MYO15B: variants seen among roughly 807,000 people sequenced by gnomAD.
MYO15B encodes myosin XVB pseudogene.
MYO15B carries 207 observed loss-of-function variants against 119.3 expected under a neutral mutation model. The observed-to-expected ratio is 1.73, with a 90% CI of 1.55 to 1.95. MYO15B has a LOEUF of 1.95. Ranked by LOEUF, MYO15B falls within the 30% of genes most tolerant of loss-of-function variation. The pLI, the probability that MYO15B is intolerant of heterozygous loss-of-function variation, is 0.00. For missense variants in MYO15B, 2,264 were observed against 1,203.1 expected (o/e 1.88, Z -13.04); for synonymous variants, 966 against 498.9 (o/e 1.94, Z -12.48).
In MYO15B at chr17:75,591,029, G is replaced by GC; in HGVS notation, c.2360+17dup. ...TCAGCACCACTCCGTATGTGACTCT[G>GC]CCCCACTGACCCTCTGCTCACCTCC... is the stretch of plus-strand genomic sequence containing the variant. On this transcript the variant is annotated intron_variant, in intron 3 of 63. Coordinates refer to ENST00000645453, the Ensembl canonical transcript of MYO15B. 1.6e-6 allele frequency: 1 copy of GC among 642,362 alleles called. No individual in the cohort carries two copies. The highest frequency in any genetic ancestry group is 2.7e-5 in the East Asian group (1 of 36,538). The allele number at this position is 642,362 out of a possible 1,614,324, so 39.8% of individuals were successfully genotyped here. A position where few individuals can be genotyped will look rare whatever the true frequency, so the allele number is the denominator to read the frequency against.
intron 41 of MYO15B, 198 bp from the exon 42 acceptor site, chr17:75,617,612 A>G: frequency 2.0e-6 from 1 of 500,908 alleles, no homozygotes; most frequent in South Asian, 2.2e-5. Context: ...AAGACCCACG[A>G]GCCTCACGGA....
At chr17:75,610,774 C>G (rs820138) in intron 22 of MYO15B, 126 bp from the exon 23 acceptor site, 32,188 of 666,576 alleles carry the variant, frequency 0.048, 2,721 homozygotes, top group African/African-American at 0.29. Context: ...CCCTCCTGAT[C>G]TGTTCTCACT....
At chr17:75,590,044 C>T (rs1040945708) in exon 1 of MYO15B, 8 of 398,912 alleles carry the variant, frequency 2.0e-5, no homozygotes, top group African/African-American at 4.1e-5. Context: ...CTTGGAGACC[C>T]GCCTGCAGCA....
intron 1 of MYO15B, 115 bp downstream of exon 1, chr17:75,590,358 C>CTT (rs1423254542): frequency 7.5e-6 from 3 of 398,372 alleles, no homozygotes; most frequent in African/African-American, 2.1e-5. Context: ...GAAGGATGGG[C>CTT]TTGAACCCTC....
At chr17:75,593,626 A>C (rs9904028) in intron 9 of MYO15B, among the ~76,000 whole-genome samples, 65,722 of 150,050 alleles carry the variant, frequency 0.44, 14,836 homozygotes, top group South Asian at 0.58. Context: ...AAAAAAAAAA[A>C]AAAACAAAAC....
At chr17:75,626,259 A>G in intron 63 of MYO15B, 31 bp downstream of exon 63, 2 of 701,330 alleles carry the variant, frequency 2.9e-6, no homozygotes, top group Non-Finnish European at 5.2e-6. Flanking sequence ...CCACCTTGCG[A>G]AGGTGGATGT....
chr17:75,619,045 A>T, intron 43 of MYO15B, 98 bp from the exon 44 acceptor site: 1 of 683,922 alleles, frequency 1.5e-6, no homozygotes. Context: ...GGCGCCCTCC[A>T]TCGGCCTCCT....
chr17:75,594,970 G>A, exon 12 of MYO15B: 1 of 703,032 alleles, frequency 1.4e-6, no homozygotes, highest in Non-Finnish European at 2.6e-6. Context: ...CTACGGCTTT[G>A]AGGTCACCCC....
chr17:75,624,801 A>G (rs1483393699), exon 59 of MYO15B: 1 of 702,908 alleles, frequency 1.4e-6, no homozygotes, highest in Non-Finnish European at 2.6e-6. Context: ...CAGCCCGCCG[A>G]ATACCTCAAC....
In MYO15B at chr17:75,611,901, TG is replaced by T. The variant is rs2058053546; in HGVS notation, c.4522del (p.Ala1508LeufsTer18). The T allele has an allele frequency of 1.4e-6, 1 of 702,846 alleles. No individual in the cohort carries two copies. Among genetic ancestry groups the T allele is most frequent in the Non-Finnish European group, 2.6e-6 (1 of 385,008 alleles). The allele number at this position is 702,846 out of a possible 1,614,324, so 43.5% of individuals were successfully genotyped here. A position where few individuals can be genotyped will look rare whatever the true frequency, so the allele number is the denominator to read the frequency against. ...TTGTTCCCAGGCCATCGGGACGCCC[TG>T]GCTGGGAGCATCACCGAGTGCCTGC... is the stretch of plus-strand genomic sequence containing the variant. On this transcript the variant is annotated frameshift_variant, in exon 25 of 64. Coordinates refer to ENST00000645453, the Ensembl canonical transcript of MYO15B. LOFTEE classifies it high-confidence loss of function.
At chr17:75,611,974 T>C (rs1157710854) in exon 25 of MYO15B, 6 of 702,842 alleles carry the variant, frequency 8.5e-6, no homozygotes, top group South Asian at 1.5e-5. Flanking sequence ...CAGCAGACAT[T>C]GACCTGTTCC....
intron 59 of MYO15B, 26 bp from the exon 60 acceptor site, chr17:75,625,097 C>G (rs1225683422): frequency 1.5e-6 from 1 of 676,534 alleles, no homozygotes; most frequent in African/African-American, 1.8e-5. Flanking sequence ...ACCACCGCTG[C>G]CCTCCTCACC....
chr17:75,611,045 C>T (rs1426596280), intron 23 of MYO15B, 86 bp downstream of exon 23: 9 of 699,970 alleles, frequency 1.3e-5, no homozygotes, highest in Non-Finnish European at 2.3e-5. Context: ...CAGGGTGCTA[C>T]CGTGGGTCTT....
intron 25 of MYO15B, 114 bp from the exon 26 acceptor site, chr17:75,612,684 A>G: frequency 1.6e-6 from 1 of 637,078 alleles, no homozygotes; most frequent in Non-Finnish European, 2.8e-6. Flanking sequence ...AAAAGGCATT[A>G]AGATGCATTT....
At chr17:75,592,617 C>G in intron 8 of MYO15B, 62 bp from the exon 9 acceptor site, 1 of 649,284 alleles carries the variant, frequency 1.5e-6, no homozygotes. Flanking sequence ...GAGGAGTAGC[C>G]GGAGTAGAGG....
At chr17:75,621,697 T>C in intron 52 of MYO15B, 127 bp downstream of exon 52, 1 of 620,862 alleles carries the variant, frequency 1.6e-6, no homozygotes, top group Non-Finnish European at 2.9e-6. Flanking sequence ...AGCTCACTGG[T>C]GGTTCCTGGA....
At chr17:75,621,952 C>CCAGCCCCAGCA (rs1191431660) in intron 52 of MYO15B, 52 bp from the exon 53 acceptor site, 5 of 698,212 alleles carry the variant, frequency 7.2e-6, no homozygotes, top group African/African-American at 1.7e-5. Flanking sequence ...TGAGCCGGGG[C>CCAGCCCCAGCA]CAGCCCCAGC....
chr17:75,609,673 T>G (rs927417296), intron 21 of MYO15B, among the ~76,000 whole-genome samples: 3 of 149,666 alleles, frequency 2.0e-5, no homozygotes, highest in Admixed American at 2.0e-4. Flanking sequence ...TCTCTTTCTT[T>G]CCTTCCTTCC....
intron 3 of MYO15B, 59 bp downstream of exon 3, chr17:75,591,075 T>G (rs1339045368): frequency 1.7e-5 from 12 of 687,098 alleles, no homozygotes; most frequent in Non-Finnish European, 3.2e-5. Context: ...AGTCCCTGCA[T>G]GTCCCCTTGA....
Sources: allele counts gnomAD v4.1 joint callset (sites outside exome capture counted in the v4.1 genomes callset), GRCh38; gene constraint gnomAD v4.1.1; transcripts MANE v1.5; gene names NCBI Gene and HGNC (gene_info 2026-07-23, HGNC 2026-07-21).